The following CCNH variants were observed in gnomAD, a reference collection of about 807,000 sequenced individuals.
The protein encoded by CCNH is cyclin-H.
CCNH carries 31 observed loss-of-function variants against 41.9 expected under a neutral mutation model. That is an observed-to-expected ratio of 0.74 (90% confidence interval 0.56 to 1.00). The LOEUF (loss-of-function observed/expected upper bound fraction) is 1.00. Ranked by LOEUF, CCNH falls within the 50% of genes least tolerant of loss-of-function variation. The pLI, the probability that CCNH is intolerant of heterozygous loss-of-function variation, is 0.00. For missense variants in CCNH, 362 were observed against 388.4 expected (o/e 0.93, Z 0.57); for synonymous variants, 138 against 136.1 (o/e 1.01, Z -0.10).
rs531077964 is a variant in CCNH at position 87,346,239 on chromosome 5, A to G, written c.*91-27342T>C. 2.0e-5 allele frequency among the ~76,000 whole-genome samples: 3 copies of G among 152,146 alleles called. No individual in the cohort carries two copies. The South Asian group carries it at 6.2e-4, about 31-fold the overall frequency. ...CTGACTTTCAGCAAAGTAAGAGTCA[A>G]TATCTTGATTTTATTTGAGGAGAGA... On this transcript the variant is annotated intron_variant and NMD_transcript_variant, in intron 9 of 9. Transcript: ENST00000645953.
At chr5:87,367,147 A>G (rs936485502) in intron 9 of CCNH, among the ~76,000 whole-genome samples, 2 of 152,236 alleles carry the variant, frequency 1.3e-5, no homozygotes, top group African/African-American at 2.4e-5. Context: ...TTAGTGAGAA[A>G]GACTGAATGC....
chr5:87,407,896 T>C lies in CCNH; in HGVS notation c.525+80A>G. On this transcript the variant is annotated intron_variant, in intron 4 of 8. Coordinates refer to ENST00000256897, the MANE Select transcript of CCNH (RefSeq NM_001239.4). ...CATGCTATAACAACGAGGATGATTA[T>C]GAGTTTTAAAATTTTGGATTCTTTT... The C allele has an allele frequency of 5.7e-6, 6 of 1,047,544 alleles. No individual in the cohort carries two copies. In the South Asian group the frequency reaches 6.9e-5, roughly 12 times the overall value. The allele number at this position is 1,047,544 out of a possible 1,614,324, so 64.9% of individuals were successfully genotyped here.
downstream of CCNH, chr5:87,391,836 A>T (rs1007466977): frequency 8.6e-6 from 2 of 231,756 alleles, no homozygotes; most frequent in Non-Finnish European, 1.7e-5. Context: ...TCAACTGTAT[A>T]GTTTTATTTA....
chr5:87,410,411 A>T (rs999740623), intron 2 of CCNH, among the ~76,000 whole-genome samples: 5 of 152,156 alleles, frequency 3.3e-5, no homozygotes, highest in African/African-American at 1.2e-4. Context: ...AGATGAAAAA[A>T]AATTGTAAAT....
chr5:87,357,460 T>C (rs1251068143), intron 9 of CCNH, among the ~76,000 whole-genome samples: 1 of 152,158 alleles, frequency 6.6e-6, no homozygotes, highest in Admixed American at 6.6e-5. Flanking sequence ...CATTTCCCCA[T>C]ACTGAATTTG....
chr5:87,333,987 T>A (rs547758778), intron 9 of CCNH, among the ~76,000 whole-genome samples: 3 of 152,252 alleles, frequency 2.0e-5, no homozygotes, highest in South Asian at 2.1e-4. Flanking sequence ...TTTTAAAAAA[T>A]TTTTAGTGGG....
chr5:87,353,627 C>G lies in CCNH; in HGVS notation c.*91-34730G>C, dbSNP rs141763002. Among the ~76,000 whole-genome samples the G allele has an allele frequency of 4.1e-3, 620 of 152,058 alleles. 6 individuals are homozygous for G. Among genetic ancestry groups the G allele is most frequent in the African/African-American group, 0.014 (596 of 41,504 alleles). The stretch of plus-strand genomic sequence containing the variant: ...GGGCAAAAAATGGTTTACACTTTTT[C>G]TTTGTTTATTTGCCTGTAGTTTTAC... On this transcript the variant is annotated intron_variant and NMD_transcript_variant, in intron 9 of 9. Transcript: ENST00000645953.
intron 9 of CCNH, among the ~76,000 whole-genome samples, chr5:87,345,969 A>G (rs1758830379): frequency 6.6e-6 from 1 of 152,078 alleles, no homozygotes; most frequent in Non-Finnish European, 1.5e-5. Flanking sequence ...TACTTTTTAA[A>G]TCAGATATAT....
At chr5:87,342,745 T>C (rs1043141360) in intron 9 of CCNH, among the ~76,000 whole-genome samples, 1 of 152,150 alleles carries the variant, frequency 6.6e-6, no homozygotes, top group Non-Finnish European at 1.5e-5. Context: ...GGTAATCACT[T>C]TGTCTAGTTG....
intron 9 of CCNH, chr5:87,341,245 T>G: frequency 1.8e-6 from 2 of 1,112,538 alleles, no homozygotes. Flanking sequence ...AAAAATTGAT[T>G]AATAGTTAAT....
At chr5:87,393,106 CA>C (rs1481795776), downstream of CCNH, among the ~76,000 whole-genome samples, 3 of 150,776 alleles carry the variant, frequency 2.0e-5, no homozygotes, top group African/African-American at 7.3e-5. Flanking sequence ...CTCAAGCCTA[CA>C]GTGTAAAGAA....
At chr5:87,403,375 T>G (rs1434751836) in intron 5 of CCNH, among the ~76,000 whole-genome samples, 1 of 152,216 alleles carries the variant, frequency 6.6e-6, no homozygotes, top group Non-Finnish European at 1.5e-5. Context: ...ATAAATTCAT[T>G]TGGACCTTCA....
downstream of CCNH, among the ~76,000 whole-genome samples, chr5:87,314,164 ACT>A (rs1756136634): frequency 6.6e-6 from 1 of 152,060 alleles, no homozygotes; most frequent in Non-Finnish European, 1.5e-5. Flanking sequence ...CAAGAGCAAA[ACT>A]CTGTCTCAAA....
intron 9 of CCNH, among the ~76,000 whole-genome samples, chr5:87,340,424 T>C (rs1297301356): frequency 6.6e-6 from 1 of 152,104 alleles, no homozygotes; most frequent in Non-Finnish European, 1.5e-5. Flanking sequence ...TTATAGTTTT[T>C]TTTTTTAAGC....
chr5:87,387,541 A>T (rs528675162), downstream of CCNH, among the ~76,000 whole-genome samples: 1 of 152,208 alleles, frequency 6.6e-6, no homozygotes, highest in Non-Finnish European at 1.5e-5. Flanking sequence ...TTAGTAATTC[A>T]GTTCATATAC....
chr5:87,377,110 C>T (rs1276399383), exon 1 of CCNH: 6 of 1,506,186 alleles, frequency 4.0e-6, no homozygotes, highest in Non-Finnish European at 4.6e-6. Context: ...TATATGGACT[C>T]TATCTCTGAA....
chr5:87,387,599 G>A (rs562319274), downstream of CCNH, among the ~76,000 whole-genome samples: 2 of 152,192 alleles, frequency 1.3e-5, no homozygotes, highest in African/African-American at 4.8e-5. Context: ...CCAGGTGTAA[G>A]GCATGGCATT....
chr5:87,396,214 C>A (rs189378806), intron 7 of CCNH, among the ~76,000 whole-genome samples: 3 of 152,108 alleles, frequency 2.0e-5, no homozygotes, highest in African/African-American at 7.2e-5. Flanking sequence ...TATGCAAATA[C>A]GCCATTTTGT....
chr5:87,313,826 A>G (rs1284001525), downstream of CCNH, among the ~76,000 whole-genome samples: 7 of 152,212 alleles, frequency 4.6e-5, no homozygotes, highest in Admixed American at 3.9e-4. Context: ...AGGGATGGCA[A>G]TAAGGACATT....
Sources: allele counts gnomAD v4.1 joint callset (sites outside exome capture counted in the v4.1 genomes callset), GRCh38; gene constraint gnomAD v4.1.1; transcripts MANE v1.5; gene names NCBI Gene and HGNC (gene_info 2026-07-23, HGNC 2026-07-21).